TMEM164: variants seen among roughly 807,000 people sequenced by gnomAD.
TMEM164 encodes transmembrane protein 164.
A neutral mutation model predicts 18.8 loss-of-function variants in TMEM164; 4 were observed. The observed-to-expected ratio is 0.21, with a 90% CI of 0.10 to 0.49. The LOEUF (loss-of-function observed/expected upper bound fraction) is 0.49. TMEM164 is among the 20% of genes least tolerant of loss of function. The probability of loss-of-function intolerance (pLI) is 0.98; values close to 1 mark genes in which losing one functional copy is unlikely to be tolerated. For synonymous variants in TMEM164, 86 were observed against 101.7 expected (o/e 0.85, Z 0.93); for missense variants, 108 against 239.9 (o/e 0.45, Z 3.63).
chrX:110,070,824 T>G (rs1234358189), intron 3 of TMEM164, among the ~76,000 whole-genome samples: 1 of 112,102 alleles, frequency 8.9e-6, no homozygotes, highest in Non-Finnish European at 1.9e-5. Context: ...TTTTCCCCTT[T>G]CTATTCCTAA....
chrX:110,095,993 A>G (rs2066012024), intron 3 of TMEM164, among the ~76,000 whole-genome samples: 2 of 112,472 alleles, frequency 1.8e-5, no homozygotes, highest in Admixed American at 1.9e-4. Flanking sequence ...CGGAGGCTGC[A>G]GAACAGCAAA....
chrX:110,006,668 A>G (rs1932748558), intron 2 of TMEM164, among the ~76,000 whole-genome samples: 1 of 112,205 alleles, frequency 8.9e-6, no homozygotes, highest in South Asian at 3.6e-4. Context: ...GATAGTATGT[A>G]TACCCAGAAT....
At chrX:110,026,485 A>G (rs985223626) in intron 2 of TMEM164, among the ~76,000 whole-genome samples, 18 of 111,126 alleles carry the variant, frequency 1.6e-4, no homozygotes, top group Admixed American at 3.8e-4. Flanking sequence ...CCCTGACTCT[A>G]TCTACCCTGG....
At chrX:110,081,047 C>A (rs1237783043) in intron 3 of TMEM164, among the ~76,000 whole-genome samples, 1 of 109,918 alleles carries the variant, frequency 9.1e-6, no homozygotes, top group Non-Finnish European at 1.9e-5. Flanking sequence ...TACACACCAT[C>A]TTTAATGGGT....
chrX:110,142,612 A>G (rs932392175), intron 4 of TMEM164, among the ~76,000 whole-genome samples: 1 of 113,290 alleles, frequency 8.8e-6, no homozygotes, highest in African/African-American at 3.2e-5. Context: ...AGTGATTTTC[A>G]TAGTTCATGG....
intron 5 of TMEM164, among the ~76,000 whole-genome samples, chrX:110,152,622 T>C (rs1322183297): frequency 9.0e-6 from 1 of 111,624 alleles, no homozygotes; most frequent in Non-Finnish European, 1.9e-5. Context: ...TAGTCCAACA[T>C]GATCCAATCT....
At chrX:110,092,401 G>A (rs956278301) in intron 3 of TMEM164, among the ~76,000 whole-genome samples, 1 of 111,683 alleles carries the variant, frequency 9.0e-6, no homozygotes, top group African/African-American at 3.3e-5. Flanking sequence ...GTGGTTTGTA[G>A]TTCTCCTTGA....
intron 5 of TMEM164, among the ~76,000 whole-genome samples, chrX:110,145,853 G>A (rs1027451890): frequency 3.6e-5 from 4 of 111,691 alleles, no homozygotes; most frequent in African/African-American, 1.3e-4. Context: ...CCCAAGGACT[G>A]GTCAACCCAG....
chrX:110,134,189 T>G (rs913518587), intron 4 of TMEM164, among the ~76,000 whole-genome samples: 2 of 111,484 alleles, frequency 1.8e-5, no homozygotes, highest in Non-Finnish European at 3.8e-5. Flanking sequence ...TCTGTTCCCC[T>G]GCTCTCTCAA....
chrX:110,079,407 C>G (rs899810076), intron 3 of TMEM164, among the ~76,000 whole-genome samples: 1 of 112,255 alleles, frequency 8.9e-6, no homozygotes, highest in African/African-American at 3.2e-5. Flanking sequence ...TTGCTCTTGA[C>G]CAGTCCACTT....
intron 2 of TMEM164, among the ~76,000 whole-genome samples, chrX:110,051,542 CT>C (rs1169954382): frequency 1.9e-5 from 2 of 107,527 alleles, no homozygotes; most frequent in African/African-American, 3.4e-5. Flanking sequence ...TGTGACCCCC[CT>C]GTCATTATTG....
downstream of TMEM164, among the ~76,000 whole-genome samples, chrX:110,183,434 A>AT (rs1434886850): frequency 8.9e-6 from 1 of 112,460 alleles, no homozygotes; most frequent in African/African-American, 3.2e-5. Context: ...TGCATTTGAG[A>AT]TTGTTAACTA....
Position 110,026,624 on chromosome X carries a change from T to C in TMEM164, c.390+22460T>C, listed in dbSNP as rs376772816. ...ACTTTGTGCCAGGCATTGTCCTAAG[T>C]GCCTTATGCGCATGAACTCATTTAA... On this transcript the variant is annotated intron_variant, in intron 2 of 6. Transcript: ENST00000372068. 4.3e-4 allele frequency among the ~76,000 whole-genome samples: 48 copies of C among 111,806 alleles called. No individual in the cohort carries two copies. The South Asian group carries it at 0.017, about 40-fold the overall frequency.
At chrX:110,030,081 CCTTTTTCTCTCT>C (rs1480697042) in intron 2 of TMEM164, among the ~76,000 whole-genome samples, 1 of 106,002 alleles carries the variant, frequency 9.4e-6, no homozygotes, top group African/African-American at 3.4e-5. Context: ...CTCTTCTCTC[CCTTTTTCTCTCT>C]CTTTTTCTCT....
chrX:110,126,950 C>G (rs1437333300), intron 4 of TMEM164, among the ~76,000 whole-genome samples: 3 of 108,187 alleles, frequency 2.8e-5, no homozygotes, highest in Non-Finnish European at 5.7e-5. Flanking sequence ...TGTAGGTCAA[C>G]TAGGTGGTGC....
intron 3 of TMEM164, among the ~76,000 whole-genome samples, chrX:110,081,680 A>G (rs954511597): frequency 6.2e-5 from 7 of 112,373 alleles, no homozygotes; most frequent in African/African-American, 1.9e-4. Context: ...AAAATTCCCT[A>G]TGTCTCAGTA....
At chrX:110,009,386 G>A (rs1243310359) in intron 2 of TMEM164, among the ~76,000 whole-genome samples, 2 of 112,184 alleles carry the variant, frequency 1.8e-5, no homozygotes, top group Non-Finnish European at 3.8e-5. Flanking sequence ...CAGAATGTTG[G>A]GCTCTTTAAT....
At chrX:110,005,536 C>G (rs1219471529) in intron 2 of TMEM164, among the ~76,000 whole-genome samples, 1 of 111,890 alleles carries the variant, frequency 8.9e-6, no homozygotes, top group East Asian at 2.8e-4. Context: ...AGCCCCTTCC[C>G]TTCTTGCAGA....
intron 2 of TMEM164, among the ~76,000 whole-genome samples, chrX:110,058,692 C>T (rs1935974110): frequency 9.7e-6 from 1 of 103,366 alleles, no homozygotes; most frequent in Admixed American, 1.0e-4. Context: ...ACTGCAACCT[C>T]TGCCTCCCTG....
Sources: gnomAD v4.1 joint callset for allele counts (sites outside exome capture counted in the v4.1 genomes callset) on GRCh38, gnomAD v4.1.1 for gene constraint, MANE v1.5 for transcripts, NCBI Gene and HGNC (gene_info 2026-07-23, HGNC 2026-07-21) for gene names.